The following SETD7 variants were observed in gnomAD, a reference collection of about 807,000 sequenced individuals.
SETD7 encodes histone-lysine N-methyltransferase SETD7.
In SETD7, 16 loss-of-function variants were observed where a neutral mutation model predicts 41.8. That is an observed-to-expected ratio of 0.38 (90% CI 0.26 to 0.58). SETD7 has a LOEUF of 0.58. SETD7 is among the 20% of genes least tolerant of loss of function. The pLI, the probability that SETD7 is intolerant of heterozygous loss-of-function variation, is 0.64. For missense variants in SETD7, 346 were observed against 459.7 expected (o/e 0.75, Z 2.26); for synonymous variants, 163 against 169.7 (o/e 0.96, Z 0.31).
chr4:139,523,248 T>C (rs1727229850), intron 5 of SETD7, 106 bp downstream of exon 5: 1 of 747,854 alleles, frequency 1.3e-6, no homozygotes, highest in Admixed American at 2.4e-5. Context: ...TGGTCTGAGC[T>C]GGAACCCAGC....
intron 7 of SETD7, chr4:139,496,551 C>T (rs965041332): frequency 2.9e-6 from 2 of 699,112 alleles, no homozygotes; most frequent in Middle Eastern, 2.3e-4. Context: ...TGGCTGAGAA[C>T]GTTTTCAGAG....
At chr4:139,521,871 G>A (rs1390718990) in intron 5 of SETD7, among the ~76,000 whole-genome samples, 1 of 152,234 alleles carries the variant, frequency 6.6e-6, no homozygotes, top group Non-Finnish European at 1.5e-5. Flanking sequence ...AAGAAAACAT[G>A]TGAAACAGAC....
chr4:139,555,946 G>T lies in SETD7; in HGVS notation c.40+152C>A. On this transcript the variant is annotated intron_variant, in intron 1 of 7. Coordinates refer to ENST00000274031, the MANE Select transcript of SETD7 (RefSeq NM_030648.4). This position sits in a 1 kb window ranked among gnomAD's most constrained non-coding sequence, Gnocchi z 4.0. ...CGCTCCCGGCGGCGTGACCGTGGCTGTCGGGCCCCCGCCCGAGCCGGGCAA... is the reference window on the plus strand; with the variant it reads ...CGCTCCCGGCGGCGTGACCGTGGCTTTCGGGCCCCCGCCCGAGCCGGGCAA... 1 of 601,962 alleles carries T rather than the reference G, an allele frequency of 1.7e-6. No individual in the cohort carries two copies. Among genetic ancestry groups the T allele is most frequent in the Non-Finnish European group, 2.4e-6 (1 of 411,542 alleles). The allele number at this position is 601,962 out of a possible 1,614,324, so 37.3% of individuals were successfully genotyped here.
chr4:139,545,547 G>T (rs559709695), intron 2 of SETD7, among the ~76,000 whole-genome samples: 1 of 152,248 alleles, frequency 6.6e-6, no homozygotes, highest in African/African-American at 2.4e-5. Context: ...TTTACAAAAA[G>T]GTGGGGTTGG....
intron 1 of SETD7, among the ~76,000 whole-genome samples, chr4:139,551,678 C>T (rs994285251): frequency 4.6e-5 from 7 of 151,758 alleles, no homozygotes; most frequent in African/African-American, 1.7e-4. Flanking sequence ...AACCAGAGAC[C>T]CTACGCACAC....
chr4:139,511,873 C>T (rs750032277), intron 7 of SETD7, 30 bp from the exon 8 acceptor site: 32 of 1,589,332 alleles, frequency 2.0e-5, no homozygotes, highest in East Asian at 1.1e-4. Flanking sequence ...CAGTCATTCC[C>T]GGGCCAGACC....
chr4:139,551,336 C>G (rs577862196), intron 1 of SETD7, among the ~76,000 whole-genome samples: 1 of 152,096 alleles, frequency 6.6e-6, no homozygotes, highest in Non-Finnish European at 1.5e-5. Context: ...TTAAGGTTGC[C>G]GGAGCTAATG....
intron 7 of SETD7, among the ~76,000 whole-genome samples, chr4:139,515,403 C>T (rs1367462653): frequency 2.6e-5 from 4 of 152,174 alleles, no homozygotes; most frequent in African/African-American, 9.7e-5. Context: ...CAAATGAAAT[C>T]TTCTCTTGTC....
At chr4:139,519,378 C>T (rs1262492902) in intron 6 of SETD7, among the ~76,000 whole-genome samples, 1 of 152,200 alleles carries the variant, frequency 6.6e-6, no homozygotes, top group Non-Finnish European at 1.5e-5. Context: ...TCTAGGCTTC[C>T]GTTTCCCTAT....
At chr4:139,522,276 A>G (rs1727197538) in intron 5 of SETD7, among the ~76,000 whole-genome samples, 1 of 152,208 alleles carries the variant, frequency 6.6e-6, no homozygotes, top group Non-Finnish European at 1.5e-5. Flanking sequence ...TGCTTACAAA[A>G]CACGAGGCAA....
chr4:139,493,569 C>G (rs1180550366), downstream of SETD7, among the ~76,000 whole-genome samples: 1 of 150,052 alleles, frequency 6.7e-6, no homozygotes, highest in Non-Finnish European at 1.5e-5. Context: ...GACAGGGTCT[C>G]ACTCTGTTGC....
chr4:139,555,995 T>G lies in SETD7; in HGVS notation c.40+103A>C. 4 of 1,240,312 alleles carry G rather than the reference T, an allele frequency of 3.2e-6. No individual in the cohort carries two copies. The highest frequency in any genetic ancestry group is 3.3e-6 in the Non-Finnish European group (3 of 913,856). 76.8% of individuals were successfully genotyped at this position (1,240,312 alleles called of 1,614,324 possible). On this transcript the variant is annotated intron_variant, in intron 1 of 7. Coordinates refer to ENST00000274031, the MANE Select transcript of SETD7 (RefSeq NM_030648.4). The surrounding 1 kb of genome is among the most constrained non-coding windows in gnomAD (Gnocchi z 4.0). ...AACCGGCCACCCGTGTAGGGGACAGTGGCGGCCGCGGGGCCCGGCGCCGCG... is the reference window on the plus strand; with the variant it reads ...AACCGGCCACCCGTGTAGGGGACAGGGGCGGCCGCGGGGCCCGGCGCCGCG...
chr4:139,514,164 G>C (rs1436531892), intron 7 of SETD7, among the ~76,000 whole-genome samples: 1 of 151,992 alleles, frequency 6.6e-6, no homozygotes, highest in Non-Finnish European at 1.5e-5. Context: ...TGCACCTGTT[G>C]GTACCAGCTA....
chr4:139,509,248 G>A lies in SETD7; in HGVS notation c.*2415C>T, dbSNP rs1189191780. On this transcript the variant is annotated 3_prime_UTR_variant, in exon 8 of 8. Transcript: ENST00000274031. ...CTGGAAGACACAGAGAGTATGAAGA[G>A]AGTTGGGAGGAAGACATGGTGAGGC... 6.6e-6 allele frequency: 1 copy of A among 152,404 alleles called. No homozygotes were observed. Among genetic ancestry groups the A allele is most frequent in the African/African-American group, 2.4e-5 (1 of 41,448 alleles). The allele number at this position is 152,404 out of a possible 1,614,324, so 9.4% of individuals were successfully genotyped here. A position where few individuals can be genotyped will look rare whatever the true frequency, so the allele number is the denominator to read the frequency against.
downstream of SETD7, among the ~76,000 whole-genome samples, chr4:139,504,490 GA>G (rs1228425827): frequency 6.6e-6 from 1 of 151,916 alleles, no homozygotes; most frequent in East Asian, 1.9e-4. Flanking sequence ...TCAAGAGGAG[GA>G]ATGGAATTTC....
chr4:139,545,019 T>A (rs1317206006), intron 2 of SETD7, among the ~76,000 whole-genome samples: 2 of 152,048 alleles, frequency 1.3e-5, no homozygotes, highest in African/African-American at 2.4e-5. Flanking sequence ...GAAGGAGACA[T>A]TTACATAAAT....
At chr4:139,531,845 CT>C (rs1435846431) in intron 3 of SETD7, among the ~76,000 whole-genome samples, 1 of 152,040 alleles carries the variant, frequency 6.6e-6, no homozygotes, top group Non-Finnish European at 1.5e-5. Flanking sequence ...AATCCCAGCA[CT>C]TTGGGAGGCC....
intron 7 of SETD7, among the ~76,000 whole-genome samples, chr4:139,499,096 A>C (rs2592966): frequency 6.6e-6 from 1 of 152,044 alleles, no homozygotes; most frequent in African/African-American, 2.4e-5. Flanking sequence ...ACCTTGTTTG[A>C]CTATAGTCAG....
At chr4:139,536,597 A>G (rs1037514068) in intron 2 of SETD7, among the ~76,000 whole-genome samples, 3 of 152,124 alleles carry the variant, frequency 2.0e-5, no homozygotes, top group Admixed American at 1.3e-4. Flanking sequence ...TTGTAATCAC[A>G]GCTACTCAGG....
Sources: gnomAD v4.1 joint callset for allele counts (sites outside exome capture counted in the v4.1 genomes callset) on GRCh38, gnomAD v4.1.1 for gene constraint, Gnocchi (gnomAD v3.1) non-coding constraint, MANE v1.5 for transcripts, NCBI Gene and HGNC (gene_info 2026-07-23, HGNC 2026-07-21) for gene names.